KLHL1: variants seen among roughly 807,000 people sequenced by gnomAD.
The protein encoded by KLHL1 is kelch like family member 1, also known as kelch-like protein 1.
KLHL1 carries 47 observed loss-of-function variants against 77.7 expected under a neutral mutation model. That is an observed-to-expected ratio of 0.60 (90% CI 0.48 to 0.77). KLHL1 has a LOEUF of 0.77. Ranked by LOEUF, KLHL1 falls within the 30% of genes least tolerant of loss-of-function variation. The pLI, the probability that KLHL1 is intolerant of heterozygous loss-of-function variation, is 0.00. For missense variants in KLHL1, 925 were observed against 910.8 expected (o/e 1.02, Z -0.20); for synonymous variants, 360 against 325.2 (o/e 1.11, Z -1.15).
At chr13:69,987,008 CAAGAT>C (rs768875705) in intron 1 of KLHL1, among the ~76,000 whole-genome samples, 1 of 138,642 alleles carries the variant, frequency 7.2e-6, no homozygotes, top group Non-Finnish European at 1.5e-5. Context: ...AGATCATGAA[CAAGAT>C]AAAATATATG....
At chr13:69,814,636 TC>T (rs1415850418) in intron 6 of KLHL1, among the ~76,000 whole-genome samples, 1 of 152,038 alleles carries the variant, frequency 6.6e-6, no homozygotes, top group Non-Finnish European at 1.5e-5. Context: ...TAAAAAATAC[TC>T]AACATCACTA....
chr13:69,776,778 A>T (rs1360861244), intron 7 of KLHL1, among the ~76,000 whole-genome samples: 21 of 152,228 alleles, frequency 1.4e-4, no homozygotes, highest in Admixed American at 1.4e-3. Context: ...TCAGAATAAC[A>T]GAAATTGAGG....
chr13:69,963,764 T>G (rs1054366188), intron 2 of KLHL1, among the ~76,000 whole-genome samples: 1 of 152,154 alleles, frequency 6.6e-6, no homozygotes, highest in Non-Finnish European at 1.5e-5. Flanking sequence ...TTACTGCCTT[T>G]TTCACAATTT....
intron 1 of KLHL1, among the ~76,000 whole-genome samples, chr13:70,004,221 G>A (rs1885356787): frequency 6.6e-6 from 1 of 151,868 alleles, no homozygotes; most frequent in Admixed American, 6.6e-5. Context: ...TAGAGCCAAA[G>A]TTGAGGATGG....
At chr13:69,884,935 T>TTTTCTTTTC (rs138544502) in intron 4 of KLHL1, among the ~76,000 whole-genome samples, 2 of 92,258 alleles carry the variant, frequency 2.2e-5, no homozygotes, top group Non-Finnish European at 4.5e-5. Flanking sequence ...TTTTCTTTTC[T>TTTTCTTTTC]TTTTTTTTTT....
At chr13:69,731,503 G>A (rs951563662) in intron 8 of KLHL1, among the ~76,000 whole-genome samples, 21 of 152,158 alleles carry the variant, frequency 1.4e-4, no homozygotes, top group African/African-American at 4.6e-4. Context: ...AGTGGTGATA[G>A]TAGGATTTGG....
chr13:69,928,924 C>T (rs970139159), intron 4 of KLHL1, among the ~76,000 whole-genome samples: 2 of 151,796 alleles, frequency 1.3e-5, no homozygotes, highest in African/African-American at 2.4e-5. Context: ...CATATCTCCA[C>T]GATGTATTAT....
intron 1 of KLHL1, among the ~76,000 whole-genome samples, chr13:70,063,790 T>C (rs1036556107): frequency 2.6e-5 from 4 of 152,142 alleles, no homozygotes; most frequent in African/African-American, 9.6e-5. Context: ...TACTGCACAA[T>C]GGACTCTAAT....
At chr13:69,889,022 C>T (rs1396975845) in intron 4 of KLHL1, among the ~76,000 whole-genome samples, 1 of 151,106 alleles carries the variant, frequency 6.6e-6, no homozygotes, top group Non-Finnish European at 1.5e-5. Flanking sequence ...AAGAGTAAGG[C>T]TGCATATATG....
chr13:69,983,986 T>C (rs1476666905), intron 1 of KLHL1, among the ~76,000 whole-genome samples: 4 of 152,102 alleles, frequency 2.6e-5, no homozygotes, highest in Non-Finnish European at 1.5e-5. Flanking sequence ...TCCCGATCTC[T>C]CACTACTTAA....
At chr13:69,895,570 C>T (rs544463491) in intron 4 of KLHL1, among the ~76,000 whole-genome samples, 2 of 152,276 alleles carry the variant, frequency 1.3e-5, no homozygotes, top group Admixed American at 1.3e-4. Context: ...ATTGATTATA[C>T]TGCAGTTCTG....
chr13:69,906,513 T>C (rs1358039439), intron 4 of KLHL1, among the ~76,000 whole-genome samples: 2 of 152,012 alleles, frequency 1.3e-5, no homozygotes, highest in Non-Finnish European at 2.9e-5. Flanking sequence ...ATATTGAGTG[T>C]TTTCTTTAAT....
chr13:70,070,637 T>C (rs1490597635), intron 1 of KLHL1, among the ~76,000 whole-genome samples: 6 of 151,966 alleles, frequency 3.9e-5, no homozygotes, highest in Admixed American at 3.3e-4. Flanking sequence ...AGAAAAATCA[T>C]ACAGATAATA....
intron 7 of KLHL1, among the ~76,000 whole-genome samples, chr13:69,769,870 G>A (rs1347267885): frequency 6.6e-6 from 1 of 152,070 alleles, no homozygotes; most frequent in Non-Finnish European, 1.5e-5. Context: ...CCTGCTGAAT[G>A]GCAGGAATGA....
At chr13:69,955,405 C>T (rs1883835781) in intron 3 of KLHL1, among the ~76,000 whole-genome samples, 1 of 151,322 alleles carries the variant, frequency 6.6e-6, no homozygotes, top group Non-Finnish European at 1.5e-5. Context: ...GTTAACACTT[C>T]AATATGATTA....
chr13:69,980,954 G>A (rs894191005), intron 1 of KLHL1, among the ~76,000 whole-genome samples: 2 of 151,926 alleles, frequency 1.3e-5, no homozygotes, highest in African/African-American at 4.8e-5. Flanking sequence ...GTTTACTTTT[G>A]GTTTTAGTTT....
chr13:69,808,421 A>G (rs1273903166), intron 6 of KLHL1, among the ~76,000 whole-genome samples: 3 of 152,152 alleles, frequency 2.0e-5, no homozygotes, highest in African/African-American at 7.2e-5. Flanking sequence ...TTAGAAAGCC[A>G]CTACACAAAC....
chr13:69,987,297 T>C (rs60435028), intron 1 of KLHL1, among the ~76,000 whole-genome samples: 23,702 of 152,024 alleles, frequency 0.16, 3,926 homozygotes, highest in African/African-American at 0.42. Context: ...GCTATGAGTA[T>C]TGCTTTATAA....
chr13:70,108,079 C>T lies in KLHL1; in HGVS notation c.-380G>A, dbSNP rs532762265. The stretch of plus-strand genomic sequence containing the variant: ...AGGGAGGTCTGAGCGCTCCGAAGCT[C>T]CGGAGGCGGCTGCAGCTGGATACAC... On this transcript the variant is annotated 5_prime_UTR_variant, in exon 1 of 11. Transcript: ENST00000377844. The T allele has an allele frequency of 4.8e-6, 2 of 414,896 alleles. No individual in the cohort carries two copies. Among genetic ancestry groups the T allele is most frequent in the African/African-American group, 2.1e-5 (1 of 48,726 alleles). The allele number at this position is 414,896 out of a possible 1,614,324, so 25.7% of individuals were successfully genotyped here. A position where few individuals can be genotyped will look rare whatever the true frequency, so the allele number is the denominator to read the frequency against.
Sources: gnomAD v4.1 joint callset for allele counts (sites outside exome capture counted in the v4.1 genomes callset) on GRCh38, gnomAD v4.1.1 for gene constraint, MANE v1.5 for transcripts, NCBI Gene and HGNC (gene_info 2026-07-23, HGNC 2026-07-21) for gene names.